The following CCDC146 variants were observed in gnomAD, a reference collection of about 807,000 sequenced individuals.
The protein encoded by CCDC146 is coiled-coil domain-containing protein 146.
Under a neutral mutation model 119.3 loss-of-function variants are expected in CCDC146, and 92 were observed. The observed-to-expected ratio is 0.77, with a 90% CI of 0.65 to 0.92. The LOEUF (loss-of-function observed/expected upper bound fraction) is 0.92. CCDC146 is among the 40% of genes least tolerant of loss of function. The pLI is 0.00. For missense variants in CCDC146, 1,000 were observed against 1,103.0 expected, an observed-to-expected ratio of 0.91 and a Z score of 1.32; for synonymous variants, 372 against 371.8, an observed-to-expected ratio of 1.00 and a Z score of -0.01.
chr7:77,289,350 G>A (rs112846222), intron 17 of CCDC146, among the ~76,000 whole-genome samples: 101 of 152,242 alleles, frequency 6.6e-4, no homozygotes, highest in African/African-American at 2.3e-3. Flanking sequence ...CAGCACAGCC[G>A]AGTCCTAGTC....
At chr7:77,205,789 C>T (rs1257942930) in intron 2 of CCDC146, among the ~76,000 whole-genome samples, 27 of 152,086 alleles carry the variant, frequency 1.8e-4, no homozygotes, top group Admixed American at 1.8e-3. Flanking sequence ...CAACAAAAAC[C>T]CTCTAGGTAG....
intron 1 of CCDC146, among the ~76,000 whole-genome samples, chr7:77,142,466 G>A (rs1299429957): frequency 6.6e-6 from 1 of 151,626 alleles, no homozygotes; most frequent in African/African-American, 2.4e-5. Flanking sequence ...ACAATGTGCA[G>A]GTTTGTTACA....
intron 11 of CCDC146, among the ~76,000 whole-genome samples, chr7:77,274,933 T>A (rs1584136668): frequency 6.6e-6 from 1 of 152,072 alleles, no homozygotes; most frequent in African/African-American, 2.4e-5. Context: ...ATGTAAATGA[T>A]GAGTTAATGG....
chr7:77,291,076 G>A (rs749221517), intron 17 of CCDC146, among the ~76,000 whole-genome samples: 17 of 152,152 alleles, frequency 1.1e-4, no homozygotes, highest in Non-Finnish European at 2.4e-4. Flanking sequence ...GGACTATGAT[G>A]ATGAATAAAA....
At chr7:77,171,365 A>C (rs1257992744) in intron 2 of CCDC146, among the ~76,000 whole-genome samples, 1 of 152,206 alleles carries the variant, frequency 6.6e-6, no homozygotes, top group Admixed American at 6.5e-5. Context: ...TCAACACCAG[A>C]GTCATATAAA....
At chr7:77,292,864 C>A (rs1226504872) in intron 17 of CCDC146, 88 bp from the exon 18 acceptor site, 21 of 1,404,304 alleles carry the variant, frequency 1.5e-5, no homozygotes, top group Non-Finnish European at 2.0e-5. Flanking sequence ...CAAAAATGCA[C>A]CCCGCCATTA....
At chr7:77,291,483 T>C (rs959559962) in intron 17 of CCDC146, among the ~76,000 whole-genome samples, 2 of 150,916 alleles carry the variant, frequency 1.3e-5, no homozygotes, top group Non-Finnish European at 3.0e-5. Flanking sequence ...GGCGGGTAGA[T>C]TGCGTGAGCT....
chr7:77,148,476 A>G (rs1418981712), intron 1 of CCDC146, among the ~76,000 whole-genome samples: 1 of 152,080 alleles, frequency 6.6e-6, no homozygotes, highest in African/African-American at 2.4e-5. Context: ...TTGGAAATGC[A>G]GAAATCACCC....
chr7:77,282,399 A>T (rs1486091875), intron 14 of CCDC146, 158 bp from the exon 15 acceptor site: 8 of 601,458 alleles, frequency 1.3e-5, no homozygotes, highest in Middle Eastern at 4.4e-4. Context: ...CAAAGTGTGG[A>T]TGTAATTTAA....
At position 77,293,145 on chromosome 7, in the gene CCDC146, T is replaced by G; in HGVS notation, c.2609T>G (p.Leu870Trp). 1 of 1,614,158 alleles carries G rather than the reference T, an allele frequency of 6.2e-7. No individual in the cohort carries two copies. Among genetic ancestry groups the G allele is most frequent in the Non-Finnish European group, 8.5e-7 (1 of 1,180,022 alleles). The stretch of plus-strand genomic sequence containing the variant: ...AATAAGGAAATTGAGAAAGAATGGT[T>G]GAAAGTCCTTCGAGATGAAGAAATG... The part of the protein sequence containing the change: ...PLNKEIEKEW[L>W]KVLRDEEMHA... The change falls in exon 18 of 19, where the codon TTG becomes TGG. Residue 870 changes from leucine (L) to tryptophan (W), a missense_variant. Leu to Trp is a moderately conservative substitution (Grantham distance 61). Around this residue, in one of 2 missense-constraint regions of CCDC146, gnomAD observed 985 missense variants for 1,045.3 expected, o/e 0.94. Transcript: ENST00000285871.
chr7:77,190,627 T>C (rs1249248672), intron 2 of CCDC146, among the ~76,000 whole-genome samples: 4 of 152,228 alleles, frequency 2.6e-5, no homozygotes, highest in Non-Finnish European at 4.4e-5. Flanking sequence ...CACTCATGTT[T>C]GGGAATTCGG....
At chr7:77,201,102 G>A (rs778194043) in intron 2 of CCDC146, among the ~76,000 whole-genome samples, 5 of 151,952 alleles carry the variant, frequency 3.3e-5, no homozygotes, top group Non-Finnish European at 7.4e-5. Context: ...ATTTATTCTC[G>A]CATACTCAGG....
chr7:77,163,885 A>T (rs1791302513), intron 1 of CCDC146, among the ~76,000 whole-genome samples: 2 of 124,672 alleles, frequency 1.6e-5, no homozygotes, highest in African/African-American at 6.4e-5. Flanking sequence ...TTTGAGACAG[A>T]GTCTCGCTCT....
At chr7:77,255,165 A>C (rs1467406296) in intron 5 of CCDC146, among the ~76,000 whole-genome samples, 1 of 152,244 alleles carries the variant, frequency 6.6e-6, no homozygotes, top group East Asian at 1.9e-4. Context: ...AATAAAGAGC[A>C]AACTCCAATA....
At chr7:77,268,470 C>T (rs1793449710) in intron 9 of CCDC146, among the ~76,000 whole-genome samples, 1 of 152,170 alleles carries the variant, frequency 6.6e-6, no homozygotes, top group Non-Finnish European at 1.5e-5. Flanking sequence ...CCAAAGTAGT[C>T]CATTTCTGTA....
At chr7:77,133,145 T>C (rs946609285) in intron 1 of CCDC146, among the ~76,000 whole-genome samples, 6 of 151,806 alleles carry the variant, frequency 4.0e-5, no homozygotes, top group African/African-American at 1.2e-4. Context: ...CACTCCAGCC[T>C]GAGTGACAGA....
chr7:77,273,496 C>T (rs978014245), intron 9 of CCDC146, among the ~76,000 whole-genome samples, 198 bp from the exon 10 acceptor site: 11 of 145,256 alleles, frequency 7.6e-5, no homozygotes, highest in African/African-American at 2.7e-4. Context: ...GTTGACTACA[C>T]AGCAGTGAAT....
intron 2 of CCDC146, among the ~76,000 whole-genome samples, chr7:77,183,111 T>G (rs1405156532): frequency 6.6e-6 from 1 of 152,048 alleles, no homozygotes; most frequent in Non-Finnish European, 1.5e-5. Context: ...GCGGCAAAAC[T>G]TCCCCAAATT....
chr7:77,281,690 G>A lies in CCDC146; in HGVS notation c.1920-867G>A, dbSNP rs139555818. Among the ~76,000 whole-genome samples the A allele has an allele frequency of 4.7e-3, 710 of 152,304 alleles. 1 individual carries two copies. Among genetic ancestry groups the A allele is most frequent in the Middle Eastern group, 6.8e-3 (2 of 294 alleles). ...AAAATATAGAGCTGGGATTAGCTGAGTACAACCACATGCATGCATGTTTTG... is the reference window on the plus strand; with the variant it reads ...AAAATATAGAGCTGGGATTAGCTGAATACAACCACATGCATGCATGTTTTG... On this transcript the variant is annotated intron_variant, in intron 14 of 18. Transcript: ENST00000285871.
Sources: allele counts gnomAD v4.1 joint callset (sites outside exome capture counted in the v4.1 genomes callset), GRCh38; gene constraint gnomAD v4.1.1; regional missense constraint gnomAD v4.1.1; transcripts MANE v1.5; gene names NCBI Gene and HGNC (gene_info 2026-07-23, HGNC 2026-07-21).